The following RPS3A variants were observed in gnomAD, a reference collection of about 807,000 sequenced individuals.
RPS3A encodes ribosomal protein S3A, also known as small ribosomal subunit protein eS1.
A neutral mutation model predicts 26.4 loss-of-function variants in RPS3A; 1 was observed. The ratio of observed to expected loss-of-function variants is 0.04; its 90% CI spans 0.01 to 0.18. RPS3A has a LOEUF of 0.18. Among genes scored for constraint, RPS3A ranks in the 10% least tolerant of loss-of-function variants. The probability of loss-of-function intolerance (pLI) is 1.00; values close to 1 mark genes in which losing one functional copy is unlikely to be tolerated. For missense variants in RPS3A, 139 were observed against 326.8 expected (o/e 0.43, Z 4.43); for synonymous variants, 97 against 106.1 (o/e 0.91, Z 0.53).
rs976630697 is a variant in RPS3A, at chr4:151,103,736, A to C, written c.564-441A>C. On this transcript the variant is annotated intron_variant, in intron 4 of 5. Transcript: ENST00000274065. ...GGGCAATATAGGGAGACCCTGTCCC[A>C]AAAAATAAAAAATATACGTATATAT... 9.6e-6 allele frequency: 11 copies of C among 1,144,884 alleles called. No individual in the cohort carries two copies. In the Admixed American group the frequency reaches 1.5e-4, roughly 16 times the overall value. 70.9% of individuals were successfully genotyped at this position (1,144,884 alleles called of 1,614,324 possible). A position where few individuals can be genotyped will look rare whatever the true frequency, so the allele number is the denominator to read the frequency against.
chr4:151,103,765 T>TAC (rs1002062663), intron 4 of RPS3A: 37 of 1,301,126 alleles, frequency 2.8e-5, no homozygotes, highest in Middle Eastern at 2.2e-4. Context: ...TATATATATA[T>TAC]ACACACACAA....
Position 151,104,236 on chromosome 4 carries a change from A to G in RPS3A, c.623A>G (p.His208Arg). The change falls in exon 5 of 6, where the codon CAT becomes CGT. Residue 208 changes from histidine to arginine, a missense_variant. Around this residue, in one of 3 missense-constraint regions of RPS3A, gnomAD observed 96 missense variants for 209.8 expected, o/e 0.46. Transcript: ENST00000274065. ...GCTTGCCAATCTATTTATCCTCTCC[A>G]TGATGTCTTCGTTAGAAAAGTAAAA... ...EKACQSIYPL[H>R]DVFVRKVKML... is the part of the protein sequence containing the mutation. The G allele has an allele frequency of 2.5e-6, 4 of 1,613,428 alleles. No individual in the cohort carries two copies. Among genetic ancestry groups the G allele is most frequent in the Non-Finnish European group, 3.4e-6 (4 of 1,179,832 alleles).
intron 5 of RPS3A, 35 bp downstream of exon 5, chr4:151,104,321 A>G (rs1184147853): frequency 5.6e-6 from 9 of 1,603,206 alleles, no homozygotes; most frequent in South Asian, 4.5e-5. Flanking sequence ...TGTAGGGCCA[A>G]ATACATTGTT....
intron 3 of RPS3A, among the ~76,000 whole-genome samples, chr4:151,101,764 C>T (rs923116400): frequency 9.9e-5 from 15 of 152,106 alleles, no homozygotes; most frequent in Admixed American, 1.3e-4. Flanking sequence ...GAGATTGAGT[C>T]TCTTATCGTC....
intron 1 of RPS3A, 171 bp downstream of exon 1, chr4:151,099,885 C>T: frequency 1.3e-6 from 1 of 749,554 alleles, no homozygotes; most frequent in Middle Eastern, 2.3e-4. Flanking sequence ...TGAGTAGCGG[C>T]AGGTCGGCTG....
At chr4:151,104,312 G>A (rs371748852) in intron 5 of RPS3A, 26 bp downstream of exon 5, 1 of 1,609,040 alleles carries the variant, frequency 6.2e-7, no homozygotes, top group Non-Finnish European at 8.5e-7. Context: ...CATGATTCCT[G>A]TAGGGCCAAA....
intron 3 of RPS3A, among the ~76,000 whole-genome samples, chr4:151,102,423 A>AG (rs1234541792): frequency 6.6e-6 from 1 of 152,178 alleles, no homozygotes; most frequent in East Asian, 1.9e-4. Context: ...TTAGAGTTAT[A>AG]GCAGTCACCT....
In RPS3A at chr4:151,099,677, C is replaced by G. The variant is rs1346660792; in HGVS notation, c.25C>G (p.Leu9Val). 9 of 1,613,904 alleles carry G rather than the reference C, an allele frequency of 5.6e-6. No homozygotes were observed. The African/African-American group carries it at 1.1e-4, about 19-fold the overall frequency. ...CATGGCGGTTGGCAAGAACAAGCGCCTTACGAAAGGCGGCAAAAAGGGAGC... is the reference window on the plus strand; with the variant it reads ...CATGGCGGTTGGCAAGAACAAGCGCGTTACGAAAGGCGGCAAAAAGGGAGC... MAVGKNKR[L>V]TKGGKKGAKK... Residue 9 changes from leucine to valine, a missense_variant, in exon 1 of 6, where the codon CTT becomes GTT. Leu to Val is a conservative substitution (Grantham distance 32). Around this residue, in one of 3 missense-constraint regions of RPS3A, gnomAD observed 35 missense variants for 60.1 expected, o/e 0.58. Coordinates refer to ENST00000274065, the MANE Select transcript of RPS3A (RefSeq NM_001006.5).
intron 2 of RPS3A, 110 bp from the exon 3 acceptor site, chr4:151,100,865 G>T: frequency 1.3e-6 from 1 of 754,806 alleles, no homozygotes; most frequent in South Asian, 1.8e-5. Flanking sequence ...GATAACAAAG[G>T]TTAAGGTCTT....
chr4:151,101,560 G>A (rs1006266133), intron 3 of RPS3A, among the ~76,000 whole-genome samples: 5 of 152,102 alleles, frequency 3.3e-5, no homozygotes, highest in African/African-American at 9.7e-5. Flanking sequence ...CTGGAGTGAG[G>A]TTAAAATCTG....
chr4:151,100,240 C>G (rs918773623), intron 1 of RPS3A, among the ~76,000 whole-genome samples: 2 of 152,110 alleles, frequency 1.3e-5, no homozygotes, highest in Non-Finnish European at 2.9e-5. Flanking sequence ...TTCTAAGTGC[C>G]TGTGTAGTGG....
intron 4 of RPS3A, chr4:151,103,922 G>A: frequency 6.7e-7 from 1 of 1,501,010 alleles, no homozygotes. Context: ...CTAAGAGGGT[G>A]TAATGGAAAA....
intron 3 of RPS3A, among the ~76,000 whole-genome samples, chr4:151,102,321 G>A (rs2149704123): frequency 6.6e-6 from 1 of 152,064 alleles, no homozygotes; most frequent in South Asian, 2.1e-4. Context: ...CTAACTAGGG[G>A]TTTTTAATTA....
intron 4 of RPS3A, chr4:151,103,909 T>C: frequency 3.4e-6 from 5 of 1,482,078 alleles, no homozygotes; most frequent in South Asian, 1.1e-5. Context: ...AATATACAGT[T>C]AGCTAAGAGG....
intron 3 of RPS3A, chr4:151,102,112 ATATT>A (rs1415080495): frequency 3.9e-6 from 2 of 516,536 alleles, no homozygotes; most frequent in South Asian, 2.8e-5. Context: ...TTATACCATT[ATATT>A]TATCCTGACA....
intron 3 of RPS3A, chr4:151,101,945 C>A: frequency 2.4e-6 from 1 of 412,300 alleles, no homozygotes. Flanking sequence ...ATTGGCCAGG[C>A]TGGTCTCGAA....
Position 151,101,173 on chromosome 4 carries a change from A to G in RPS3A, c.354+11A>G, listed in dbSNP as rs765272575. On this transcript the variant is annotated intron_variant, in intron 3 of 5. Transcript: ENST00000274065. Reference sequence around the variant, plus strand: ...GTCAAAAAATGGCAGGTGAGACCCAAAGTTCCTTAGAGTGGTTGTGCTATG... The same window carrying G: ...GTCAAAAAATGGCAGGTGAGACCCAGAGTTCCTTAGAGTGGTTGTGCTATG... 9 of 1,590,032 alleles carry G rather than the reference A, an allele frequency of 5.7e-6. No homozygotes were observed. The highest frequency in any genetic ancestry group is 1.7e-4 in the Middle Eastern group (1 of 5,992).
At chr4:151,100,649 C>A in intron 2 of RPS3A, 61 bp downstream of exon 2, 1 of 1,000,496 alleles carries the variant, frequency 1.0e-6, no homozygotes, top group Non-Finnish European at 1.6e-6. Context: ...TTGTAGCAGG[C>A]ATCTTGGTCT....
intron 2 of RPS3A, 152 bp downstream of exon 2, chr4:151,100,740 G>T: frequency 1.6e-6 from 1 of 641,960 alleles, no homozygotes; most frequent in East Asian, 2.7e-5. Context: ...ATCATTTTTA[G>T]TACAGCACTT....
Sources: allele counts gnomAD v4.1 joint callset (sites outside exome capture counted in the v4.1 genomes callset), GRCh38; gene constraint gnomAD v4.1.1; regional missense constraint gnomAD v4.1.1; transcripts MANE v1.5; gene names NCBI Gene and HGNC (gene_info 2026-07-23, HGNC 2026-07-21).